The following SNF8 variants were observed in gnomAD, a reference collection of about 807,000 sequenced individuals.
SNF8 encodes the protein SNF8 subunit of ESCRT-II.
SNF8 carries 19 observed loss-of-function variants against 36.8 expected under a neutral mutation model. That is an observed-to-expected ratio of 0.52 (90% CI 0.36 to 0.76). SNF8 has a LOEUF of 0.76. Ranked by LOEUF, SNF8 falls within the 30% of genes least tolerant of loss-of-function variation. The probability of loss-of-function intolerance (pLI) is 0.00; values close to 1 mark genes in which losing one functional copy is unlikely to be tolerated. For synonymous variants in SNF8, 127 were observed against 127.4 expected, an observed-to-expected ratio of 1.00 and a Z score of 0.02; for missense variants, 268 against 322.9, an observed-to-expected ratio of 0.83 and a Z score of 1.30.
intron 4 of SNF8, chr17:48,936,793 T>C: frequency 3.4e-6 from 2 of 582,534 alleles, no homozygotes; most frequent in South Asian, 4.1e-5. Context: ...GACTAGGGAC[T>C]AGACCTTCCT....
chr17:48,939,680 C>T (rs1401606003), intron 3 of SNF8, among the ~76,000 whole-genome samples: 1 of 151,806 alleles, frequency 6.6e-6, no homozygotes, highest in East Asian at 2.0e-4. Flanking sequence ...AGGATGGCCT[C>T]ATCTCCTGAC....
At position 48,930,527 on chromosome 17, in the gene SNF8, T is replaced by C; in HGVS notation, c.725A>G (p.Asp242Gly). The change falls in exon 8 of 8, where the codon GAC becomes GGC. Residue 242 changes from aspartate to glycine, a missense_variant. Physicochemically the swap from Asp to Gly is moderately conservative, Grantham distance 94. Coordinates refer to ENST00000502492, the MANE Select transcript of SNF8 (RefSeq NM_007241.4). ...AHYWLPALFT[D>G]LYSQEITAEE... ...AGCTGTAATCTCCTGGGAGTAGAGG[T>C]CAGTGAAGAGAGCTGGCAGCCAGTA... 6.2e-7 allele frequency: 1 copy of C among 1,612,602 alleles called. No homozygotes were observed. Among genetic ancestry groups the C allele is most frequent in the Admixed American group, 1.7e-5 (1 of 59,950 alleles).
At chr17:48,931,389 A>G (rs1477473697) in intron 7 of SNF8, among the ~76,000 whole-genome samples, 5 of 152,234 alleles carry the variant, frequency 3.3e-5, no homozygotes, top group African/African-American at 7.2e-5. Flanking sequence ...CATGTTCAGG[A>G]GAGAGAGTGT....
chr17:48,942,962 T>C lies in SNF8; in HGVS notation c.105+963A>G, dbSNP rs546302066. On this transcript the variant is annotated intron_variant, in intron 2 of 7. Coordinates refer to ENST00000502492, the MANE Select transcript of SNF8 (RefSeq NM_007241.4). ...CTCACTGCAACCTCTGTCTCCTGGGTTCATGCAATTCTCCTACCTCAGCCT... is the reference window on the plus strand; with the variant it reads ...CTCACTGCAACCTCTGTCTCCTGGGCTCATGCAATTCTCCTACCTCAGCCT... Among the ~76,000 whole-genome samples, 10 of 149,432 alleles carry C rather than the reference T, an allele frequency of 6.7e-5. No homozygotes were observed. The East Asian group carries it at 1.6e-3, about 24-fold the overall frequency.
At chr17:48,931,591 C>T (rs1486371234) in intron 7 of SNF8, 52 bp downstream of exon 7, 3 of 1,459,974 alleles carry the variant, frequency 2.1e-6, no homozygotes, top group Non-Finnish European at 2.8e-6. Flanking sequence ...GAACCCACAT[C>T]CTCCCAACTG....
At chr17:48,941,513 C>A (rs140048536) in intron 2 of SNF8, among the ~76,000 whole-genome samples, 4 of 151,954 alleles carry the variant, frequency 2.6e-5, no homozygotes, top group Admixed American at 6.6e-5. Context: ...TTTACCCCCC[C>A]CAGCCGACAG....
At position 48,944,825 on chromosome 17, in the gene SNF8, G is replaced by A. The variant is rs2041083198; in HGVS notation, c.-91C>T. On this transcript the variant is annotated 5_prime_UTR_variant, in exon 1 of 8. Coordinates refer to ENST00000502492, the MANE Select transcript of SNF8 (RefSeq NM_007241.4). ...CGCCGGCTCCCCAAGGCGGAAGCCC[G>A]AGCCGCGCGTCATCTGCACGCGCCG... 3 of 1,404,000 alleles carry A rather than the reference G, an allele frequency of 2.1e-6. No homozygotes were observed. The highest frequency in any genetic ancestry group is 3.5e-5 in the Admixed American group (1 of 28,270). The allele number at this position is 1,404,000 out of a possible 1,614,324, so 87.0% of individuals were successfully genotyped here. A position where few individuals can be genotyped will look rare whatever the true frequency, so the allele number is the denominator to read the frequency against.
chr17:48,939,488 C>G (rs971184340), intron 3 of SNF8, among the ~76,000 whole-genome samples: 13 of 139,652 alleles, frequency 9.3e-5, no homozygotes, highest in African/African-American at 3.4e-4. Flanking sequence ...GGGATGGAGT[C>G]TCGCTCTGTT....
intron 5 of SNF8, 21 bp from the exon 6 acceptor site, chr17:48,933,367 T>G (rs1188660591): frequency 1.2e-6 from 2 of 1,613,960 alleles, no homozygotes; most frequent in Admixed American, 1.7e-5. Context: ...GAAGAGTTGC[T>G]TAACGACCCT....
At chr17:48,933,668 A>C (rs984249483) in intron 5 of SNF8, 39 of 276,844 alleles carry the variant, frequency 1.4e-4, no homozygotes, top group African/African-American at 8.0e-4. Flanking sequence ...CAGGAGTTCA[A>C]GGCTGCAGTG....
Position 48,931,568 on chromosome 17 carries a change from T to C in SNF8, c.639+75A>G, listed in dbSNP as rs1422976899. 3 of 1,214,948 alleles carry C rather than the reference T, an allele frequency of 2.5e-6. No individual in the cohort carries two copies. The East Asian group carries it at 7.4e-5, about 30-fold the overall frequency. The allele number at this position is 1,214,948 out of a possible 1,614,324, so 75.3% of individuals were successfully genotyped here. A position where few individuals can be genotyped will look rare whatever the true frequency, so the allele number is the denominator to read the frequency against. ...AAGGCCAGCAAAGCAATGCTGAAGT[T>C]CCTGCATTTGTGGAACCCACATCCT... On this transcript the variant is annotated intron_variant, in intron 7 of 7. Transcript: ENST00000502492.
chr17:48,943,864 G>T, intron 2 of SNF8, 61 bp downstream of exon 2: 1 of 1,424,028 alleles, frequency 7.0e-7, no homozygotes, highest in Non-Finnish European at 9.9e-7. Flanking sequence ...TCGTATCCAA[G>T]GTGTCTTGGC....
chr17:48,933,272 G>A lies in SNF8; in HGVS notation c.497C>T (p.Thr166Ile). Residue 166 changes from threonine (T) to isoleucine (I), a missense_variant, in exon 6 of 8, where the codon ACT (threonine) becomes ATT (isoleucine). Physicochemically the swap from Thr to Ile is moderately conservative, Grantham distance 89 (BLOSUM62 -1). Transcript: ENST00000502492. The part of the protein sequence containing the change: ...TGFGIIPVGG[T>I]YLIQSVPAEL... Reference sequence around the variant, plus strand: ...AGCTGGAACAGACTGAATGAGGTAAGTGCCGCCCACAGGGATGATGCCGAA... The same window carrying A: ...AGCTGGAACAGACTGAATGAGGTAAATGCCGCCCACAGGGATGATGCCGAA... 6.2e-7 allele frequency: 1 copy of A among 1,614,182 alleles called. No individual in the cohort carries two copies. Among genetic ancestry groups the A allele is most frequent in the Non-Finnish European group, 8.5e-7 (1 of 1,180,046 alleles).
rs776533474 is a variant in SNF8, at chr17:48,933,334, G to A, written c.435C>T (p.Ile145=). ...GTGCCTTTAGTTTCTTGATGGCTCTGATCAGGTCATCTCTGAGGTAAGGAA... is the reference window on the plus strand; with the variant it reads ...GTGCCTTTAGTTTCTTGATGGCTCTAATCAGGTCATCTCTGAGGTAAGGAA... ...FAQDVSQDDL[I]RAIKKLKALG... The change falls in exon 6 of 8, where the codon ATC becomes ATT. Residue 145 remains isoleucine, a synonymous_variant. Transcript: ENST00000502492. 1 of 1,614,202 alleles carries A rather than the reference G, an allele frequency of 6.2e-7. No homozygotes were observed. The highest frequency in any genetic ancestry group is 1.1e-5 in the South Asian group (1 of 91,086).
At chr17:48,941,594 T>C (rs2041025502) in intron 2 of SNF8, among the ~76,000 whole-genome samples, 1 of 152,052 alleles carries the variant, frequency 6.6e-6, no homozygotes, top group Non-Finnish European at 1.5e-5. Flanking sequence ...CCAGGAATGG[T>C]GGCTCACACC....
chr17:48,942,348 A>C (rs2041042263), intron 2 of SNF8, among the ~76,000 whole-genome samples: 2 of 152,028 alleles, frequency 1.3e-5, no homozygotes, highest in African/African-American at 4.8e-5. Context: ...AAAAAAAAAA[A>C]AAAAAGAAAC....
chr17:48,940,659 G>C (rs144772278), intron 3 of SNF8, among the ~76,000 whole-genome samples: 1 of 152,020 alleles, frequency 6.6e-6, no homozygotes, highest in Non-Finnish European at 1.5e-5. Flanking sequence ...ACGTGGTCGC[G>C]AGCACCTGTA....
chr17:48,942,358 C>A (rs974485482), intron 2 of SNF8, among the ~76,000 whole-genome samples: 21 of 150,640 alleles, frequency 1.4e-4, no homozygotes, highest in African/African-American at 5.1e-4. Flanking sequence ...AAAAAAGAAA[C>A]CTCCACATAT....
intron 3 of SNF8, among the ~76,000 whole-genome samples, chr17:48,939,616 T>C (rs938755213): frequency 1.3e-5 from 2 of 150,168 alleles, no homozygotes; most frequent in African/African-American, 2.4e-5. Flanking sequence ...TGTGCCACCA[T>C]ACCTGGCTAA....
Sources: gnomAD v4.1 joint callset for allele counts (sites outside exome capture counted in the v4.1 genomes callset) on GRCh38, gnomAD v4.1.1 for gene constraint, MANE v1.5 for transcripts, NCBI Gene and HGNC (gene_info 2026-07-23, HGNC 2026-07-21) for gene names.